RIMBP2: variants seen among roughly 807,000 people sequenced by gnomAD.
RIMBP2 encodes RIMS binding protein 2.
A neutral mutation model predicts 118.6 loss-of-function variants in RIMBP2; 48 were observed. The ratio of observed to expected loss-of-function variants is 0.40; its 90% CI spans 0.32 to 0.51. RIMBP2 has a LOEUF of 0.51. RIMBP2 is among the 20% of genes least tolerant of loss of function. The probability of loss-of-function intolerance (pLI) is 0.41; values close to 1 mark genes in which losing one functional copy is unlikely to be tolerated. For missense variants in RIMBP2, 1,551 were observed against 1,768.3 expected, an observed-to-expected ratio of 0.88 and a Z score of 2.20; for synonymous variants, 762 against 742.9, an observed-to-expected ratio of 1.03 and a Z score of -0.42.
chr12:130,571,573 C>A (rs565224720), intron 2 of RIMBP2, among the ~76,000 whole-genome samples: 2 of 152,182 alleles, frequency 1.3e-5, no homozygotes, highest in East Asian at 3.9e-4. Flanking sequence ...GCGCCCGCCA[C>A]CATGCCCAGC....
At position 130,578,004 on chromosome 12, in the gene RIMBP2, T is replaced by G. The variant is rs1477573519; in HGVS notation, c.-217+50318A>C. On this transcript the variant is annotated intron_variant, in intron 2 of 22. Coordinates refer to ENST00000690449, the MANE Select transcript of RIMBP2 (RefSeq NM_001393629.1). This position sits in a 1 kb window ranked among gnomAD's most constrained non-coding sequence, Gnocchi z 4.1. ...TGCCATACATCTTATATAGCTACGGTTTTTACTTGTCAATTATACCTCAAC... is the reference window on the plus strand; with the variant it reads ...TGCCATACATCTTATATAGCTACGGGTTTTACTTGTCAATTATACCTCAAC... Among the ~76,000 whole-genome samples, 1 of 152,176 alleles carries G rather than the reference T, an allele frequency of 6.6e-6. No individual in the cohort carries two copies. Among genetic ancestry groups the G allele is most frequent in the Admixed American group, 6.5e-5 (1 of 15,288 alleles).
rs1031676777 is a variant in RIMBP2, at chr12:130,621,190, A to G, written c.-217+7132T>C. Among the ~76,000 whole-genome samples, 1 of 151,954 alleles carries G rather than the reference A, an allele frequency of 6.6e-6. No individual in the cohort carries two copies. Among genetic ancestry groups the G allele is most frequent in the Admixed American group, 6.6e-5 (1 of 15,266 alleles). On this transcript the variant is annotated intron_variant, in intron 2 of 22. Coordinates refer to ENST00000690449, the MANE Select transcript of RIMBP2 (RefSeq NM_001393629.1). This position sits in a 1 kb window ranked among gnomAD's most constrained non-coding sequence, Gnocchi z 6.6. ...TGAGTTCAGTCACCAGGCTCTGGAGATGGGTCTTCTGAAAGGTGAGGGTTA... is the reference window on the plus strand; with the variant it reads ...TGAGTTCAGTCACCAGGCTCTGGAGGTGGGTCTTCTGAAAGGTGAGGGTTA...
rs976091331 is a variant in RIMBP2 at position 130,446,945 on chromosome 12, C to T, written c.582-1676G>A. Among the ~76,000 whole-genome samples the T allele has an allele frequency of 6.6e-6, 1 of 151,152 alleles. No homozygotes were observed. The highest frequency in any genetic ancestry group is 1.5e-5 in the Non-Finnish European group (1 of 67,848). ...ATGAGGGACTGAGGTGCAGGAGGACCCTCGGCTTTCTGGCCTCAGGGTGAG... is the reference window on the plus strand; with the variant it reads ...ATGAGGGACTGAGGTGCAGGAGGACTCTCGGCTTTCTGGCCTCAGGGTGAG... On this transcript the variant is annotated intron_variant, in intron 9 of 22. Transcript: ENST00000690449. This position sits in a 1 kb window ranked among gnomAD's most constrained non-coding sequence, Gnocchi z 4.1.
intron 2 of RIMBP2, among the ~76,000 whole-genome samples, chr12:130,615,523 C>A (rs1221338569): frequency 2.0e-5 from 3 of 151,816 alleles, no homozygotes; most frequent in African/African-American, 7.3e-5. Flanking sequence ...GTTGGCCAGG[C>A]TGGTCTTGAA....
At chr12:130,604,531 C>T (rs1037791843) in intron 2 of RIMBP2, among the ~76,000 whole-genome samples, 27 of 145,014 alleles carry the variant, frequency 1.9e-4, no homozygotes, top group African/African-American at 5.4e-4. Flanking sequence ...GAGCAACTTC[C>T]GGGCCTGCAA....
chr12:130,444,313 C>T, intron 10 of RIMBP2, among the ~76,000 whole-genome samples: 1 of 152,102 alleles, frequency 6.6e-6, no homozygotes, highest in South Asian at 2.1e-4. Context: ...TGGGCTCCTG[C>T]TCATGGACAC....
rs1401818610 is a variant in RIMBP2 at position 130,424,089 on chromosome 12, T to C, written c.3129+53A>G. On this transcript the variant is annotated intron_variant, in intron 16 of 22. Coordinates refer to ENST00000690449, the MANE Select transcript of RIMBP2 (RefSeq NM_001393629.1). The surrounding 1 kb of genome is among the most constrained non-coding windows in gnomAD (Gnocchi z 9.8). ...AACAAACAGAAAACCAGTGAAAGGA[T>C]GGGACAGATTGGTTTGGCAAGCGGC... 4.2e-6 allele frequency: 4 copies of C among 954,326 alleles called. No homozygotes were observed. The highest frequency in any genetic ancestry group is 1.7e-5 in the African/African-American group (1 of 58,906). 59.1% of individuals were successfully genotyped at this position (954,326 alleles called of 1,614,324 possible).
intron 2 of RIMBP2, among the ~76,000 whole-genome samples, chr12:130,619,415 G>A (rs770318206): frequency 1.3e-5 from 2 of 152,030 alleles, no homozygotes; most frequent in Admixed American, 6.5e-5. Flanking sequence ...TACTGATCAC[G>A]TTATTGATTT....
At chr12:130,425,146 T>G in intron 15 of RIMBP2, 3 of 301,684 alleles carry the variant, frequency 9.9e-6, no homozygotes, top group Non-Finnish European at 1.8e-5. Context: ...GCAGGTGAGA[T>G]CCCGGCGGCA....
chr12:130,599,443 T>G (rs986123952), intron 2 of RIMBP2, among the ~76,000 whole-genome samples: 9 of 152,196 alleles, frequency 5.9e-5, no homozygotes, highest in Admixed American at 3.3e-4. Flanking sequence ...ATTAAACTAA[T>G]GGGCAAAATG....
At chr12:130,513,521 A>C (rs2051134602) in intron 3 of RIMBP2, among the ~76,000 whole-genome samples, 1 of 6,292 alleles carries the variant, frequency 1.6e-4, no homozygotes, top group East Asian at 0.25. Context: ...GGGAGGAGGG[A>C]GCTTTAACAG....
intron 1 of RIMBP2, among the ~76,000 whole-genome samples, chr12:130,650,106 G>A (rs2063167607): frequency 6.6e-6 from 1 of 152,096 alleles, no homozygotes; most frequent in Non-Finnish European, 1.5e-5. Context: ...GGGACTCGCA[G>A]GCAACCAAGG....
rs1464883356 is a variant in RIMBP2 at position 130,646,401 on chromosome 12, GCCTCT to G, written c.-351-17950_-351-17946del. 4.1e-3 allele frequency among the ~76,000 whole-genome samples: 27 copies of G among 6,598 alleles called. 11 individuals carry two copies. Among genetic ancestry groups the G allele is most frequent in the Non-Finnish European group, 4.8e-3 (17 of 3,554 alleles). 4.3% of individuals were successfully genotyped at this position (6,598 alleles called of 152,430 possible). On this transcript the variant is annotated intron_variant, in intron 1 of 22. Transcript: ENST00000690449. ...TCCCTCACCACCTCCCTCACCACCT[GCCTCT>G]CCACCTCCCTCACCACTTCCCTCTC... is the stretch of plus-strand genomic sequence containing the variant.
Position 130,478,776 on chromosome 12 carries a change from AT to A in RIMBP2, c.102+135del. ...AGCAGGAAAGCAGAAATGACTCTGA[AT>A]TCTTCTGTGCAAGCAGAGAGAGGGA... On this transcript the variant is annotated intron_variant, in intron 5 of 22. Transcript: ENST00000690449. 7.9e-6 allele frequency: 5 copies of A among 629,984 alleles called. No individual in the cohort carries two copies. In the South Asian group the frequency reaches 9.6e-5, roughly 12 times the overall value. 39.0% of individuals were successfully genotyped at this position (629,984 alleles called of 1,614,324 possible).
intron 13 of RIMBP2, among the ~76,000 whole-genome samples, chr12:130,436,432 T>A (rs1233842131): frequency 6.6e-6 from 1 of 152,106 alleles, no homozygotes; most frequent in Non-Finnish European, 1.5e-5. Context: ...CATGTGTGTG[T>A]ATATATTTAC....
chr12:130,517,780 C>T lies in RIMBP2; in HGVS notation c.-127+48G>A, dbSNP rs1046307772. 16 of 828,130 alleles carry T rather than the reference C, an allele frequency of 1.9e-5. No individual in the cohort carries two copies. In the Admixed American group the frequency reaches 3.1e-4, roughly 16 times the overall value. 51.3% of individuals were successfully genotyped at this position (828,130 alleles called of 1,614,324 possible). A position where few individuals can be genotyped will look rare whatever the true frequency, so the allele number is the denominator to read the frequency against. ...CCAGTTGTTCCTCCCTGGCCCAGCC[C>T]GCTCCCTCCAGGGCCCCAGATGGTC... is the stretch of plus-strand genomic sequence containing the variant. On this transcript the variant is annotated intron_variant, in intron 3 of 22. Transcript: ENST00000690449.
chr12:130,596,917 T>A (rs2059595581), intron 2 of RIMBP2, among the ~76,000 whole-genome samples: 1 of 152,220 alleles, frequency 6.6e-6, no homozygotes, highest in Admixed American at 6.5e-5. Context: ...ATAACTTGAG[T>A]GGCTCCATGT....
At chr12:130,530,852 A>T (rs1311234931) in intron 2 of RIMBP2, among the ~76,000 whole-genome samples, 2 of 152,208 alleles carry the variant, frequency 1.3e-5, no homozygotes, top group Non-Finnish European at 2.9e-5. Flanking sequence ...GAGCAAGGCC[A>T]CATTCAGTTA....
rs2077128155 is a variant in RIMBP2 at position 130,431,215 on chromosome 12, G to C, written c.2254-2878C>G. Among the ~76,000 whole-genome samples, 1 of 152,144 alleles carries C rather than the reference G, an allele frequency of 6.6e-6. No homozygotes were observed. Among genetic ancestry groups the C allele is most frequent in the African/African-American group, 2.4e-5 (1 of 41,420 alleles). ...ATTGAGCACCTACTATGTGTGAAAT[G>C]CTAGAGATACCGTAGTCAACTAAAA... On this transcript the variant is annotated intron_variant, in intron 14 of 22. Transcript: ENST00000690449. This position sits in a 1 kb window ranked among gnomAD's most constrained non-coding sequence, Gnocchi z 4.0.
Sources: gnomAD v4.1 joint callset for allele counts (sites outside exome capture counted in the v4.1 genomes callset) on GRCh38, gnomAD v4.1.1 for gene constraint, Gnocchi (gnomAD v3.1) non-coding constraint, MANE v1.5 for transcripts, NCBI Gene and HGNC (gene_info 2026-07-23, HGNC 2026-07-21) for gene names.